Variants in PLCL1 observed in about 807,000 individuals in gnomAD.
PLCL1 encodes inactive phospholipase C-like protein 1.
PLCL1 carries 41 observed loss-of-function variants against 84.4 expected under a neutral mutation model. The ratio of observed to expected loss-of-function variants is 0.49; its 90% CI spans 0.38 to 0.63. The LOEUF is 0.63. PLCL1 is among the 30% of genes least tolerant of loss of function. PLCL1 has a pLI of 0.00. For missense variants in PLCL1, 1,206 were observed against 1,367.8 expected, an observed-to-expected ratio of 0.88 and a Z score of 1.87; for synonymous variants, 490 against 488.3, an observed-to-expected ratio of 1.00 and a Z score of -0.05.
intron 1 of PLCL1, among the ~76,000 whole-genome samples, chr2:198,066,274 T>G (rs1010907403): frequency 1.3e-5 from 2 of 152,144 alleles, no homozygotes; most frequent in African/African-American, 4.8e-5. Flanking sequence ...GAACTCAGGG[T>G]TTATCTTAGG....
chr2:197,905,667 G>A (rs1174331049), intron 1 of PLCL1, among the ~76,000 whole-genome samples: 3 of 151,776 alleles, frequency 2.0e-5, no homozygotes, highest in Non-Finnish European at 4.4e-5. Context: ...TTGAGAAATC[G>A]CCATACTGTC....
intron 5 of PLCL1, among the ~76,000 whole-genome samples, chr2:198,140,086 A>C (rs775616488): frequency 1.1e-4 from 17 of 152,116 alleles, no homozygotes; most frequent in Non-Finnish European, 1.9e-4. Context: ...GGTGCCTAAC[A>C]ACACACCCAG....
chr2:197,995,764 A>T (rs1161080943), intron 1 of PLCL1, among the ~76,000 whole-genome samples: 1 of 152,148 alleles, frequency 6.6e-6, no homozygotes. Flanking sequence ...AAATCACTTA[A>T]TGGGGGGGCG....
chr2:197,924,274 C>T (rs1178292174), intron 1 of PLCL1, among the ~76,000 whole-genome samples: 2 of 152,150 alleles, frequency 1.3e-5, no homozygotes, highest in Non-Finnish European at 2.9e-5. Flanking sequence ...GACCTTGTCT[C>T]TGCTGCAGCT....
chr2:197,959,582 A>G (rs948923703), intron 1 of PLCL1, among the ~76,000 whole-genome samples: 3 of 152,108 alleles, frequency 2.0e-5, no homozygotes, highest in Non-Finnish European at 2.9e-5. Context: ...TAGATGCACC[A>G]AAGTGGTGAC....
rs1689963553 is a variant in PLCL1 at position 197,975,562 on chromosome 2, G to T, written c.241-108196G>T. ...GGCACCCCTGCAATCCCAGTACTTT[G>T]GGAGGCCTAGGTGGGAAGATTGCTT... On this transcript the variant is annotated intron_variant, in intron 1 of 5. Coordinates refer to ENST00000428675, the MANE Select transcript of PLCL1 (RefSeq NM_006226.4). 2.0e-5 allele frequency among the ~76,000 whole-genome samples: 3 copies of T among 152,138 alleles called. No individual in the cohort carries two copies. The South Asian group carries it at 6.2e-4, about 32-fold the overall frequency.
chr2:198,013,717 A>G (rs980342579), intron 1 of PLCL1, among the ~76,000 whole-genome samples: 1 of 152,180 alleles, frequency 6.6e-6, no homozygotes, highest in African/African-American at 2.4e-5. Flanking sequence ...ATGAATAATT[A>G]TGAAACACCA....
chr2:198,085,016 A>C lies in PLCL1; in HGVS notation c.1499A>C (p.Gln500Pro). Reference protein sequence around the residue: ...CLGNHCSLPQQKVMAQQMKKV... With the variant: ...CLGNHCSLPQPKVMAQQMKKV... The stretch of plus-strand genomic sequence containing the variant: ...GGAAATCACTGCTCCTTGCCGCAGC[A>C]GAAGGTAATGGCTCAACAGATGAAA... Residue 500 changes from glutamine to proline, a missense_variant, in exon 2 of 6, where the codon CAG becomes CCG. Gln to Pro is a moderately conservative substitution (Grantham distance 76, BLOSUM62 -1). Coordinates refer to ENST00000428675, the MANE Select transcript of PLCL1 (RefSeq NM_006226.4). This position sits in a 1 kb window ranked among gnomAD's most constrained non-coding sequence, Gnocchi z 5.3. 1.2e-6 allele frequency: 2 copies of C among 1,614,100 alleles called. No individual in the cohort carries two copies. Among genetic ancestry groups the C allele is most frequent in the Non-Finnish European group, 1.7e-6 (2 of 1,180,008 alleles).
intron 1 of PLCL1, among the ~76,000 whole-genome samples, chr2:197,850,031 G>GACACACACACACACACACACACACAC (rs5837563): frequency 1.9e-4 from 26 of 134,926 alleles, no homozygotes; most frequent in South Asian, 5.3e-4. Flanking sequence ...GACACACACA[G>GACACACACACACACACACACACACAC]ACACACACAC....
intron 1 of PLCL1, among the ~76,000 whole-genome samples, chr2:197,960,406 A>G (rs1423868602): frequency 2.6e-5 from 4 of 152,142 alleles, no homozygotes; most frequent in Admixed American, 6.6e-5. Flanking sequence ...TTCATTTTAC[A>G]TAGCCTCATT....
chr2:198,038,844 C>CAAAAAAAAAAAAAAAAA (rs11299150), intron 1 of PLCL1, among the ~76,000 whole-genome samples: 1 of 120,422 alleles, frequency 8.3e-6, no homozygotes, highest in African/African-American at 3.1e-5. Flanking sequence ...CATTAAAGGT[C>CAAAAAAAAAAAAAAAAA]AAAAAAAAAA....
chr2:198,138,489 C>G (rs1432429805), intron 5 of PLCL1, among the ~76,000 whole-genome samples: 3 of 152,090 alleles, frequency 2.0e-5, no homozygotes, highest in African/African-American at 7.2e-5. Context: ...CAGAGCCAAA[C>G]CATATCACCC....
rs151175277 is a variant in PLCL1 at position 198,061,077 on chromosome 2, A to G, written c.241-22681A>G. Among the ~76,000 whole-genome samples the G allele has an allele frequency of 5.9e-5, 9 of 152,308 alleles. No individual in the cohort carries two copies. The South Asian group carries it at 1.7e-3, about 28-fold the overall frequency. ...CTGCAAATCAACCCAGCCAAGTGTA[A>G]TGATTAGCAATGGAAATATCCCATT... On this transcript the variant is annotated intron_variant, in intron 1 of 5. Transcript: ENST00000428675.
chr2:197,854,970 G>T (rs186918556), intron 1 of PLCL1, among the ~76,000 whole-genome samples: 62 of 152,292 alleles, frequency 4.1e-4, no homozygotes, highest in Admixed American at 3.3e-4. Context: ...TGGTCATTGT[G>T]AATATTCTTT....
intron 1 of PLCL1, among the ~76,000 whole-genome samples, chr2:197,820,789 T>G (rs1444072843): frequency 6.6e-6 from 1 of 152,162 alleles, no homozygotes; most frequent in Non-Finnish European, 1.5e-5. Context: ...AAAGCAAAAC[T>G]GTGATTTAAG....
intron 1 of PLCL1, among the ~76,000 whole-genome samples, chr2:198,075,811 C>T (rs1199415881): frequency 6.6e-6 from 1 of 152,178 alleles, no homozygotes; most frequent in East Asian, 1.9e-4. Context: ...TAGCTACAAA[C>T]ATTCATACAT....
chr2:197,923,602 C>A (rs1172627146), intron 1 of PLCL1, among the ~76,000 whole-genome samples: 1 of 148,162 alleles, frequency 6.7e-6, no homozygotes, highest in Non-Finnish European at 1.5e-5. Context: ...GATGTGATGG[C>A]GGCTGGGAAG....
At chr2:197,942,985 T>C (rs1250973589) in intron 1 of PLCL1, among the ~76,000 whole-genome samples, 1 of 152,096 alleles carries the variant, frequency 6.6e-6, no homozygotes, top group Non-Finnish European at 1.5e-5. Context: ...GCTGGGAGGA[T>C]TGCTTGAGCC....
chr2:197,815,536 G>A (rs1007173778), intron 1 of PLCL1, among the ~76,000 whole-genome samples: 7 of 152,012 alleles, frequency 4.6e-5, no homozygotes, highest in Admixed American at 2.6e-4. Context: ...TGACTTTCAG[G>A]TATTATTATT....
Sources: gnomAD v4.1 joint callset for allele counts (sites outside exome capture counted in the v4.1 genomes callset) on GRCh38, gnomAD v4.1.1 for gene constraint, Gnocchi (gnomAD v3.1) non-coding constraint, MANE v1.5 for transcripts, NCBI Gene and HGNC (gene_info 2026-07-23, HGNC 2026-07-21) for gene names.